Variants in AMD1 observed in about 807,000 individuals in gnomAD.
AMD1 encodes S-adenosylmethionine decarboxylase proenzyme.
In AMD1, 11 loss-of-function variants were observed where a neutral mutation model predicts 40.2. The ratio of observed to expected loss-of-function variants is 0.27; its 90% CI spans 0.17 to 0.45. AMD1 has a LOEUF of 0.45. Ranked by LOEUF, AMD1 falls within the 20% of genes least tolerant of loss-of-function variation. The pLI is 1.00. For synonymous variants in AMD1, 121 were observed against 130.8 expected (o/e 0.93, Z 0.51); for missense variants, 257 against 410.2 (o/e 0.63, Z 3.23).
the AMD1 span, among the ~76,000 whole-genome samples, chr6:110,852,740 C>T: frequency 6.6e-6 from 1 of 152,178 alleles, no homozygotes; most frequent in South Asian, 2.1e-4. Context: ...CTTATGCAAA[C>T]CTCACAATAT....
chr6:110,833,231 ACATT>A, the AMD1 span, among the ~76,000 whole-genome samples: 1 of 152,220 alleles, frequency 6.6e-6, no homozygotes, highest in Non-Finnish European at 1.5e-5. Flanking sequence ...TACTCCATAG[ACATT>A]CATAATTTGT....
At chr6:110,846,291 A>G in the AMD1 span, among the ~76,000 whole-genome samples, 1 of 152,218 alleles carries the variant, frequency 6.6e-6, no homozygotes, top group African/African-American at 2.4e-5. Flanking sequence ...TTAACAGAAA[A>G]GAACACTTTT....
At chr6:110,878,609 C>T (rs1265697583) in intron 1 of AMD1, among the ~76,000 whole-genome samples, 1 of 152,048 alleles carries the variant, frequency 6.6e-6, no homozygotes, top group Non-Finnish European at 1.5e-5. Flanking sequence ...TCAGATTTTA[C>T]GGATGTTGAA....
chr6:110,837,554 T>C, the AMD1 span, among the ~76,000 whole-genome samples: 1 of 148,036 alleles, frequency 6.8e-6, no homozygotes, highest in Admixed American at 6.8e-5. Context: ...CTATTAAAAG[T>C]ACAAAAATTA....
chr6:110,879,656 G>A (rs960632189), intron 1 of AMD1, among the ~76,000 whole-genome samples: 1 of 152,140 alleles, frequency 6.6e-6, no homozygotes, highest in Non-Finnish European at 1.5e-5. Context: ...ACTACCTGGG[G>A]TAGAGGCACC....
chr6:110,873,933 A>G (rs1412453325), upstream of AMD1, among the ~76,000 whole-genome samples: 1 of 152,236 alleles, frequency 6.6e-6, no homozygotes, highest in Non-Finnish European at 1.5e-5. Flanking sequence ...TGATCAAATA[A>G]GTTCAGATTA....
the AMD1 span, among the ~76,000 whole-genome samples, chr6:110,826,467 C>G: frequency 3.9e-5 from 6 of 151,952 alleles, no homozygotes; most frequent in South Asian, 1.2e-3. Context: ...AACTGATTAG[C>G]TCACAGTCCT....
At chr6:110,838,287 G>A in the AMD1 span, among the ~76,000 whole-genome samples, 1 of 148,346 alleles carries the variant, frequency 6.7e-6, no homozygotes, top group East Asian at 2.0e-4. Flanking sequence ...TACTCGGGAG[G>A]CTGAAGCAGG....
At chr6:110,867,163 T>C in the AMD1 span, among the ~76,000 whole-genome samples, 1 of 151,602 alleles carries the variant, frequency 6.6e-6, no homozygotes, top group African/African-American at 2.4e-5. Context: ...TTCTTTTTTT[T>C]TTTAGAGACT....
At chr6:110,847,663 T>A in the AMD1 span, among the ~76,000 whole-genome samples, 2 of 152,114 alleles carry the variant, frequency 1.3e-5, no homozygotes, top group African/African-American at 4.8e-5. Flanking sequence ...ATGCTTATCC[T>A]ATCTACAAAA....
intron 1 of AMD1, among the ~76,000 whole-genome samples, chr6:110,875,839 T>C (rs1335368766): frequency 6.6e-6 from 1 of 151,970 alleles, no homozygotes. Flanking sequence ...TATGTCGCAG[T>C]GGCGGGGCCC....
chr6:110,828,173 G>A, the AMD1 span, among the ~76,000 whole-genome samples: 61 of 152,272 alleles, frequency 4.0e-4, no homozygotes, highest in Non-Finnish European at 7.9e-4. Context: ...GCTCACGTCT[G>A]TAATTCCAAA....
chr6:110,818,839 T>C, the AMD1 span, among the ~76,000 whole-genome samples: 424 of 152,356 alleles, frequency 2.8e-3, 12 homozygotes, highest in East Asian at 0.065. Flanking sequence ...TCCTGTATTA[T>C]TTTAATGTCT....
At chr6:110,828,200 G>A in the AMD1 span, among the ~76,000 whole-genome samples, 2 of 152,130 alleles carry the variant, frequency 1.3e-5, no homozygotes, top group South Asian at 2.1e-4. Flanking sequence ...GGAGGCCAAG[G>A]TGGGCAGATC....
chr6:110,847,042 AGTGT>A, the AMD1 span, among the ~76,000 whole-genome samples: 9 of 146,284 alleles, frequency 6.2e-5, no homozygotes, highest in South Asian at 2.2e-4. Flanking sequence ...GAACTAGGAG[AGTGT>A]GTGTGTGTGT....
At chr6:110,815,059 T>C in the AMD1 span, 1 of 1,606,242 alleles carries the variant, frequency 6.2e-7, no homozygotes, top group South Asian at 1.1e-5. Context: ...CGCGTCCCAC[T>C]TTGCACCCTT....
At chr6:110,887,677 TG>T in intron 2 of AMD1, 86 bp downstream of exon 2, 4 of 1,006,138 alleles carry the variant, frequency 4.0e-6, no homozygotes, top group South Asian at 1.9e-5. Context: ...GTTGTAGTTC[TG>T]GGGGTTTTTT....
At chr6:110,882,578 C>G (rs1785468860) in intron 1 of AMD1, among the ~76,000 whole-genome samples, 1 of 152,158 alleles carries the variant, frequency 6.6e-6, no homozygotes, top group Admixed American at 6.5e-5. Context: ...ACATGTATAG[C>G]ATTGTATTGA....
chr6:110,869,144 T>A, the AMD1 span, among the ~76,000 whole-genome samples: 1 of 152,184 alleles, frequency 6.6e-6, no homozygotes, highest in Non-Finnish European at 1.5e-5. Context: ...AGCTTCTTTT[T>A]TTTTGAGACG....
Sources: gnomAD v4.1 joint callset for allele counts (sites outside exome capture counted in the v4.1 genomes callset) on GRCh38, gnomAD v4.1.1 for gene constraint, MANE v1.5 for transcripts, NCBI Gene and HGNC (gene_info 2026-07-23, HGNC 2026-07-21) for gene names.